The following HSD17B12 variants were observed in gnomAD, a reference collection of about 807,000 sequenced individuals.
The protein encoded by HSD17B12 is very-long-chain 3-oxoacyl-CoA reductase.
Under a neutral mutation model 39.3 loss-of-function variants are expected in HSD17B12, and 32 were observed. That is an observed-to-expected ratio of 0.81 (90% CI 0.61 to 1.09). The LOEUF (loss-of-function observed/expected upper bound fraction) is 1.09, where lower values mean the gene tolerates loss of function less well. Ranked by LOEUF, HSD17B12 falls within the 50% of genes least tolerant of loss-of-function variation. The pLI is 0.00. For missense variants in HSD17B12, 342 were observed against 382.9 expected (o/e 0.89, Z 0.89); for synonymous variants, 150 against 146.7 (o/e 1.02, Z -0.16).
intron 7 of HSD17B12, among the ~76,000 whole-genome samples, chr11:43,836,023 G>A (rs1186208952): frequency 6.6e-6 from 1 of 152,210 alleles, no homozygotes; most frequent in Non-Finnish European, 1.5e-5. Context: ...AATTTTTAAA[G>A]TGCACTTGAT....
chr11:43,630,805 CT>C, the HSD17B12 span, among the ~76,000 whole-genome samples: 23,062 of 137,750 alleles, frequency 0.17, 1,567 homozygotes, highest in Middle Eastern at 0.27. Flanking sequence ...TTTTTTCTTT[CT>C]TTTTTTTTTT....
chr11:43,838,248 A>G, intron 7 of HSD17B12, 69 bp from the exon 8 acceptor site: 1 of 1,002,866 alleles, frequency 1.0e-6, no homozygotes, highest in East Asian at 2.4e-5. Context: ...TATATATCTC[A>G]ATCTGTAATT....
At chr11:43,748,271 T>C (rs1950429984) in intron 1 of HSD17B12, among the ~76,000 whole-genome samples, 1 of 152,118 alleles carries the variant, frequency 6.6e-6, no homozygotes. Flanking sequence ...CATGGAATAC[T>C]ACACAGCCAT....
At chr11:43,567,049 T>C in the HSD17B12 span, among the ~76,000 whole-genome samples, 1 of 152,350 alleles carries the variant, frequency 6.6e-6, no homozygotes, top group East Asian at 1.9e-4. Flanking sequence ...TTTTAAAGGC[T>C]CCTGAGAGCA....
chr11:43,768,784 G>C (rs12274721), intron 3 of HSD17B12, among the ~76,000 whole-genome samples: 4,390 of 152,244 alleles, frequency 0.029, 231 homozygotes, highest in African/African-American at 0.1. Flanking sequence ...GGCTGGCTCT[G>C]GTGGCCAGTT....
intron 6 of HSD17B12, among the ~76,000 whole-genome samples, chr11:43,827,103 G>T (rs1951250661): frequency 6.6e-6 from 1 of 152,156 alleles, no homozygotes; most frequent in Non-Finnish European, 1.5e-5. Flanking sequence ...GGCAGATGTG[G>T]ACAAAGTGGC....
chr11:43,810,397 A>G (rs1951060935), intron 4 of HSD17B12, among the ~76,000 whole-genome samples: 1 of 80,504 alleles, frequency 1.2e-5, no homozygotes, highest in Non-Finnish European at 2.5e-5. Context: ...ATATATATAT[A>G]TATATAAAAT....
At chr11:43,838,221 A>T in intron 7 of HSD17B12, 96 bp from the exon 8 acceptor site, 1 of 857,402 alleles carries the variant, frequency 1.2e-6, no homozygotes, top group Non-Finnish European at 2.0e-6. Flanking sequence ...CAGCTACATT[A>T]TTCTGTTTCG....
intron 3 of HSD17B12, among the ~76,000 whole-genome samples, chr11:43,790,146 T>C (rs977166299): frequency 6.6e-6 from 1 of 152,170 alleles, no homozygotes; most frequent in African/African-American, 2.4e-5. Flanking sequence ...AATGTACACC[T>C]TGGAATAGAT....
At chr11:43,619,164 G>GATAT in the HSD17B12 span, among the ~76,000 whole-genome samples, 587 of 61,782 alleles carry the variant, frequency 9.5e-3, 9 homozygotes, top group African/African-American at 0.024. Context: ...GTATATATAT[G>GATAT]ATATATATAT....
rs1446877168 is a variant in HSD17B12, at chr11:43,856,195, A to T, written c.*947A>T. Reference sequence around the variant, plus strand: ...TAATAAAACATGCTGCAACCATGGTATACAACAAAAATACATTTCTTTGGT... The same window carrying T: ...TAATAAAACATGCTGCAACCATGGTTTACAACAAAAATACATTTCTTTGGT... On this transcript the variant is annotated 3_prime_UTR_variant, in exon 11 of 11. Transcript: ENST00000278353. 6.6e-6 allele frequency: 1 copy of T among 152,258 alleles called. No homozygotes were observed. The highest frequency in any genetic ancestry group is 2.4e-5 in the African/African-American group (1 of 41,476). 9.4% of individuals were successfully genotyped at this position (152,258 alleles called of 1,614,324 possible).
chr11:43,626,054 G>T, the HSD17B12 span, among the ~76,000 whole-genome samples: 1 of 151,394 alleles, frequency 6.6e-6, no homozygotes, highest in East Asian at 1.9e-4. Context: ...TTATTTTCAC[G>T]AAAAGCAATG....
chr11:43,567,735 C>T, the HSD17B12 span, among the ~76,000 whole-genome samples: 466 of 152,290 alleles, frequency 3.1e-3, 3 homozygotes, highest in Non-Finnish European at 5.2e-3. Context: ...GTTTCTTCTG[C>T]CTCTTTTACA....
At chr11:43,741,065 A>G (rs1330120431) in intron 1 of HSD17B12, among the ~76,000 whole-genome samples, 1 of 152,154 alleles carries the variant, frequency 6.6e-6, no homozygotes, top group African/African-American at 2.4e-5. Context: ...GATGACTTGG[A>G]AGCTGGTCTT....
the HSD17B12 span, among the ~76,000 whole-genome samples, chr11:43,606,741 T>C: frequency 7.9e-5 from 12 of 152,210 alleles, no homozygotes; most frequent in Non-Finnish European, 1.8e-4. Context: ...CAAATTGGGA[T>C]AGGCAGTGCT....
At chr11:43,655,188 A>G in the HSD17B12 span, among the ~76,000 whole-genome samples, 2 of 152,138 alleles carry the variant, frequency 1.3e-5, no homozygotes, top group Admixed American at 1.3e-4. Context: ...GAGTTCACTC[A>G]TGGTTTGGCT....
At chr11:43,780,009 A>G (rs1312199909) in intron 3 of HSD17B12, among the ~76,000 whole-genome samples, 2 of 152,156 alleles carry the variant, frequency 1.3e-5, no homozygotes, top group African/African-American at 2.4e-5. Context: ...TGACCTGTAT[A>G]TTTGAGATAG....
the HSD17B12 span, among the ~76,000 whole-genome samples, chr11:43,610,249 A>AT: frequency 5.9e-5 from 9 of 152,260 alleles, no homozygotes; most frequent in African/African-American, 1.9e-4. Context: ...ACATCACAGG[A>AT]TTTTTTAAAA....
chr11:43,748,924 C>G (rs1415410607), intron 1 of HSD17B12, among the ~76,000 whole-genome samples: 2 of 152,070 alleles, frequency 1.3e-5, no homozygotes, highest in African/African-American at 4.8e-5. Context: ...TGGAAATATT[C>G]CAGCTAATAG....
Sources: allele counts gnomAD v4.1 joint callset (sites outside exome capture counted in the v4.1 genomes callset), GRCh38; gene constraint gnomAD v4.1.1; transcripts MANE v1.5; gene names NCBI Gene and HGNC (gene_info 2026-07-23, HGNC 2026-07-21).